The following TF variants were observed in gnomAD, a reference collection of about 807,000 sequenced individuals.
TF encodes the protein transferrin.
A neutral mutation model predicts 82.4 loss-of-function variants in TF; 55 were observed. The observed-to-expected ratio is 0.67, with a 90% CI of 0.54 to 0.84. The LOEUF is 0.84. Among genes scored for constraint, TF ranks in the 40% least tolerant of loss-of-function variants. TF has a pLI of 0.00. For synonymous variants in TF, 332 were observed against 332.6 expected (o/e 1.00, Z 0.02); for missense variants, 737 against 868.4 (o/e 0.85, Z 1.90).
chr3:133,672,560 A>G, the TF span, among the ~76,000 whole-genome samples: 1 of 152,048 alleles, frequency 6.6e-6, no homozygotes, highest in African/African-American at 2.4e-5. Context: ...GTAGTTCAAC[A>G]TTTAAAAATC....
At chr3:133,765,037 G>T in intron 11 of TF, 130 bp downstream of exon 11, 1 of 903,180 alleles carries the variant, frequency 1.1e-6, no homozygotes, top group South Asian at 1.4e-5. Flanking sequence ...GAGAATCATG[G>T]AAGGATAGTA....
chr3:133,668,385 G>T, the TF span, among the ~76,000 whole-genome samples: 2 of 152,246 alleles, frequency 1.3e-5, no homozygotes, highest in African/African-American at 4.8e-5. Flanking sequence ...GGAGAGCAAC[G>T]AGCAAAGGAG....
rs1036207335 is a variant in TF at position 133,791,253 on chromosome 3, G to A, written c.*12633G>A. 6.6e-6 allele frequency: 1 copy of A among 152,136 alleles called. No individual in the cohort carries two copies. Among genetic ancestry groups the A allele is most frequent in the Non-Finnish European group, 1.5e-5 (1 of 68,010 alleles). 9.4% of individuals were successfully genotyped at this position (152,136 alleles called of 1,614,324 possible). ...AAATTCTGTTTATGATACTTTAAGT[G>A]TGTTGAGTATATTTTCATAAACAGA... On this transcript the variant is annotated 3_prime_UTR_variant, in exon 17 of 17. Coordinates refer to ENST00000402696, the MANE Select transcript of TF (RefSeq NM_001063.4).
Position 133,787,006 on chromosome 3 carries a change from T to G in TF, c.*8386T>G, listed in dbSNP as rs1260979319. 1 of 152,236 alleles carries G rather than the reference T, an allele frequency of 6.6e-6. No homozygotes were observed. Among genetic ancestry groups the G allele is most frequent in the Non-Finnish European group, 1.5e-5 (1 of 68,050 alleles). 9.4% of individuals were successfully genotyped at this position (152,236 alleles called of 1,614,324 possible). On this transcript the variant is annotated 3_prime_UTR_variant, in exon 17 of 17. Transcript: ENST00000402696. ...TAAGCAGTATAGTACTGTCTATACTTGTTCAATGGTTTAGAAATGGGAGGG... is the reference window on the plus strand; with the variant it reads ...TAAGCAGTATAGTACTGTCTATACTGGTTCAATGGTTTAGAAATGGGAGGG...
At chr3:133,703,537 C>T in the TF span, among the ~76,000 whole-genome samples, 1 of 152,142 alleles carries the variant, frequency 6.6e-6, no homozygotes, top group Non-Finnish European at 1.5e-5. Flanking sequence ...ATGAGGTAAT[C>T]ACTGTGAAGT....
Position 133,759,172 on chromosome 3 carries a change from T to G in TF, c.1049-3T>G. ...TGATCTTTGTTCTTTTTTTATGCCA[T>G]AGGCCCAGAAGCCCCAACAGATGAA... On this transcript the variant is annotated splice_polypyrimidine_tract_variant and splice_region_variant and intron_variant, in intron 8 of 16. Coordinates refer to ENST00000402696, the MANE Select transcript of TF (RefSeq NM_001063.4). The G allele has an allele frequency of 2.5e-6, 4 of 1,612,984 alleles. No homozygotes were observed. Among genetic ancestry groups the G allele is most frequent in the Non-Finnish European group, 3.4e-6 (4 of 1,179,430 alleles).
rs916716530 is a variant in TF at position 133,768,096 on chromosome 3, G to A, written c.1554G>A (p.Met518Ile). 1.2e-5 allele frequency: 20 copies of A among 1,614,042 alleles called. No homozygotes were observed. The highest frequency in any genetic ancestry group is 1.7e-5 in the Non-Finnish European group (20 of 1,180,042). ...KKDSSLCKLC[M>I]GSGLNLCEPN... Reference sequence around the variant, plus strand: ...ACTCCAGTCTCTGTAAGCTGTGTATGGGCTCAGGCCTAAACCTGTGTGAAC... The same window carrying A: ...ACTCCAGTCTCTGTAAGCTGTGTATAGGCTCAGGCCTAAACCTGTGTGAAC... Residue 518 changes from methionine (M) to isoleucine (I), a missense_variant, in exon 13 of 17, where the codon ATG (methionine) becomes ATA (isoleucine). Physicochemically the swap from Met to Ile is conservative, Grantham distance 10. Transcript: ENST00000402696.
chr3:133,746,117 C>T, upstream of TF: 1 of 470,854 alleles, frequency 2.1e-6, no homozygotes, highest in Non-Finnish European at 3.9e-6. Context: ...GGCTCCCAGC[C>T]CGCCGTAGCC....
the TF span, among the ~76,000 whole-genome samples, chr3:133,670,601 T>C: frequency 6.6e-6 from 1 of 152,256 alleles, no homozygotes. Flanking sequence ...AATGATCACC[T>C]CTGGACTTTA....
At chr3:133,723,518 C>G in the TF span, among the ~76,000 whole-genome samples, 3 of 147,410 alleles carry the variant, frequency 2.0e-5, no homozygotes, top group Non-Finnish European at 3.0e-5. Flanking sequence ...TTTAAAATAA[C>G]TATCTTCAAG....
rs1332555848 is a variant in TF at position 133,781,904 on chromosome 3, A to G, written c.*3284A>G. ...GGATTGGAAAAAATATTTGCAAACTATATATCTAATAAGATACAACAAATT... is the reference window on the plus strand; with the variant it reads ...GGATTGGAAAAAATATTTGCAAACTGTATATCTAATAAGATACAACAAATT... On this transcript the variant is annotated 3_prime_UTR_variant, in exon 17 of 17. Transcript: ENST00000402696. 6.6e-6 allele frequency: 1 copy of G among 152,338 alleles called. No individual in the cohort carries two copies. The highest frequency in any genetic ancestry group is 1.9e-4 in the East Asian group (1 of 5,190). The allele number at this position is 152,338 out of a possible 1,614,324, so 9.4% of individuals were successfully genotyped here. A position where few individuals can be genotyped will look rare whatever the true frequency, so the allele number is the denominator to read the frequency against.
the TF span, among the ~76,000 whole-genome samples, chr3:133,698,631 C>T: frequency 3.8e-4 from 58 of 152,130 alleles, no homozygotes; most frequent in Non-Finnish European, 6.5e-4. Context: ...TGTCCAAACT[C>T]CCCCTTTTCA....
At chr3:133,686,474 T>TA in the TF span, among the ~76,000 whole-genome samples, 1 of 152,186 alleles carries the variant, frequency 6.6e-6, no homozygotes, top group African/African-American at 2.4e-5. Flanking sequence ...ATATCCAGAT[T>TA]CTACAAAGAA....
the TF span, among the ~76,000 whole-genome samples, chr3:133,714,101 G>C: frequency 2.6e-5 from 4 of 152,180 alleles, no homozygotes; most frequent in African/African-American, 7.2e-5. Flanking sequence ...AGAAAACCTG[G>C]AGGAAGAGCA....
At chr3:133,764,469 A>C (rs1934075584) in intron 10 of TF, among the ~76,000 whole-genome samples, 194 bp downstream of exon 10, 1 of 152,218 alleles carries the variant, frequency 6.6e-6, no homozygotes, top group Non-Finnish European at 1.5e-5. Flanking sequence ...GTTATAGTAC[A>C]TTCCAGAAAT....
At chr3:133,740,531 A>G in the TF span, among the ~76,000 whole-genome samples, 21 of 152,186 alleles carry the variant, frequency 1.4e-4, no homozygotes, top group African/African-American at 5.1e-4. Context: ...GGGTTTCACC[A>G]TTTTGGCCAA....
chr3:133,681,289 G>A, the TF span, among the ~76,000 whole-genome samples: 1 of 152,204 alleles, frequency 6.6e-6, no homozygotes, highest in Non-Finnish European at 1.5e-5. Context: ...CAGAAGACAG[G>A]TGATTTCTGC....
the TF span, among the ~76,000 whole-genome samples, chr3:133,673,570 A>G: frequency 2.6e-5 from 4 of 152,256 alleles, no homozygotes; most frequent in Non-Finnish European, 5.9e-5. Flanking sequence ...AATCTCACAC[A>G]TAGCATCTCC....
At chr3:133,694,407 G>C in the TF span, 2 of 152,796 alleles carry the variant, frequency 1.3e-5, no homozygotes, top group Non-Finnish European at 2.9e-5. Context: ...TGATGTTGGG[G>C]AGACAAAGGC....
Sources: gnomAD v4.1 joint callset for allele counts (sites outside exome capture counted in the v4.1 genomes callset) on GRCh38, gnomAD v4.1.1 for gene constraint, MANE v1.5 for transcripts, NCBI Gene and HGNC (gene_info 2026-07-23, HGNC 2026-07-21) for gene names.